Variants in RTN1 observed in about 807,000 individuals in gnomAD.
The protein encoded by RTN1 is reticulon-1.
A neutral mutation model predicts 65.5 loss-of-function variants in RTN1; 25 were observed. That is an observed-to-expected ratio of 0.38 (90% CI 0.28 to 0.53). The LOEUF (loss-of-function observed/expected upper bound fraction) is 0.53. Ranked by LOEUF, RTN1 falls within the 20% of genes least tolerant of loss-of-function variation. The probability of loss-of-function intolerance (pLI) is 0.79; values close to 1 mark genes in which losing one functional copy is unlikely to be tolerated. For missense variants in RTN1, 983 were observed against 1,025.4 expected (o/e 0.96, Z 0.57); for synonymous variants, 471 against 447.6 (o/e 1.05, Z -0.66).
intron 3 of RTN1, among the ~76,000 whole-genome samples, chr14:59,715,189 C>A (rs1425766871): frequency 2.6e-5 from 4 of 152,152 alleles, no homozygotes; most frequent in Non-Finnish European, 5.9e-5. Context: ...AGGTGAATGA[C>A]CTTATGTCTC....
intron 1 of RTN1, among the ~76,000 whole-genome samples, chr14:59,837,021 G>A (rs1185798976): frequency 1.4e-5 from 2 of 146,594 alleles, no homozygotes; most frequent in African/African-American, 2.5e-5. Context: ...GAAGAATAAG[G>A]GGTAAGTATG....
At chr14:59,773,308 T>G (rs1425473820) in intron 1 of RTN1, among the ~76,000 whole-genome samples, 2 of 152,276 alleles carry the variant, frequency 1.3e-5, no homozygotes, top group East Asian at 3.9e-4. Context: ...TTTCTTGTTA[T>G]AGTGAAAATA....
intron 1 of RTN1, among the ~76,000 whole-genome samples, chr14:59,821,443 A>G (rs961475656): frequency 2.6e-5 from 4 of 152,238 alleles, no homozygotes; most frequent in Non-Finnish European, 4.4e-5. Flanking sequence ...TTCTAAGTAT[A>G]GAATCATATA....
intron 3 of RTN1, among the ~76,000 whole-genome samples, chr14:59,615,497 G>C (rs1882077613): frequency 6.6e-6 from 1 of 152,136 alleles, no homozygotes; most frequent in Non-Finnish European, 1.5e-5. Flanking sequence ...TCATACTGAT[G>C]TGGGGCCTGA....
At chr14:59,861,960 T>C (rs1477891556) in intron 1 of RTN1, among the ~76,000 whole-genome samples, 1 of 152,200 alleles carries the variant, frequency 6.6e-6, no homozygotes, top group African/African-American at 2.4e-5. Context: ...TTGGCCTGCC[T>C]AGAACAGAAT....
chr14:59,709,544 T>C (rs942402060), intron 3 of RTN1, among the ~76,000 whole-genome samples: 7 of 152,328 alleles, frequency 4.6e-5, no homozygotes, highest in African/African-American at 9.6e-5. Flanking sequence ...AGCACGTCAA[T>C]GGTGGATAAA....
intron 3 of RTN1, among the ~76,000 whole-genome samples, chr14:59,714,001 C>T (rs1298993005): frequency 3.3e-5 from 5 of 151,944 alleles, no homozygotes; most frequent in African/African-American, 4.8e-5. Context: ...CTTGGGAGGC[C>T]GAGGCAGGCA....
chr14:59,619,883 T>C (rs558138919), intron 3 of RTN1, among the ~76,000 whole-genome samples: 8 of 152,280 alleles, frequency 5.3e-5, no homozygotes, highest in African/African-American at 1.7e-4. Context: ...AGGAAGGTCA[T>C]TCATAACTTT....
At chr14:59,779,289 T>C (rs1400857499) in intron 1 of RTN1, among the ~76,000 whole-genome samples, 1 of 152,152 alleles carries the variant, frequency 6.6e-6, no homozygotes, top group Non-Finnish European at 1.5e-5. Context: ...TATAACTTTC[T>C]GTCATACGAA....
At chr14:59,826,510 A>G (rs1383707834) in intron 1 of RTN1, among the ~76,000 whole-genome samples, 1 of 152,210 alleles carries the variant, frequency 6.6e-6, no homozygotes, top group Non-Finnish European at 1.5e-5. Flanking sequence ...TGTCATTTAC[A>G]GAAGCTCATT....
chr14:59,688,353 A>G (rs1883890761), intron 3 of RTN1, among the ~76,000 whole-genome samples: 1 of 152,204 alleles, frequency 6.6e-6, no homozygotes, highest in African/African-American at 2.4e-5. Flanking sequence ...CCCAGCTCCA[A>G]AACTAGGCAC....
chr14:59,745,650 G>A, intron 2 of RTN1, 58 bp downstream of exon 2: 1 of 1,398,172 alleles, frequency 7.2e-7, no homozygotes, highest in Non-Finnish European at 9.7e-7. Context: ...ATTTGTTTTA[G>A]GGATTGAGAT....
intron 1 of RTN1, among the ~76,000 whole-genome samples, chr14:59,861,406 A>G (rs1030034386): frequency 6.6e-6 from 1 of 152,194 alleles, no homozygotes; most frequent in Non-Finnish European, 1.5e-5. Flanking sequence ...AAGTTGATTA[A>G]ACCTTTTTCT....
At chr14:59,710,792 C>T (rs372662154) in intron 3 of RTN1, among the ~76,000 whole-genome samples, 1,748 of 152,324 alleles carry the variant, frequency 0.011, 14 homozygotes, top group Non-Finnish European at 0.018. Context: ...GTAAGCCCCA[C>T]CACTGACTGT....
At chr14:59,812,426 C>T (rs1201159807) in intron 1 of RTN1, among the ~76,000 whole-genome samples, 1 of 152,024 alleles carries the variant, frequency 6.6e-6, no homozygotes, top group Non-Finnish European at 1.5e-5. Context: ...GGTCTGAAGG[C>T]TTGTGAAAAT....
chr14:59,801,035 G>T (rs1357283404), intron 1 of RTN1, among the ~76,000 whole-genome samples: 1 of 152,054 alleles, frequency 6.6e-6, no homozygotes, highest in African/African-American at 2.4e-5. Context: ...ACTAGAAATT[G>T]TCCAAGCTGA....
chr14:59,827,579 T>G (rs941832013), intron 1 of RTN1, among the ~76,000 whole-genome samples: 10 of 152,186 alleles, frequency 6.6e-5, no homozygotes, highest in Non-Finnish European at 1.3e-4. Context: ...ATAGAGTCCA[T>G]AACTCTGCAT....
intron 3 of RTN1, chr14:59,630,365 T>G: frequency 2.5e-6 from 4 of 1,579,104 alleles, no homozygotes; most frequent in Non-Finnish European, 3.5e-6. Flanking sequence ...GTCCCACAGG[T>G]GAAATGATGC....
intron 3 of RTN1, among the ~76,000 whole-genome samples, chr14:59,694,609 T>C (rs1884025986): frequency 1.3e-5 from 2 of 152,246 alleles, no homozygotes; most frequent in South Asian, 4.1e-4. Context: ...AGAAAAATGC[T>C]ATATGGTGTC....
Sources: allele counts gnomAD v4.1 joint callset (sites outside exome capture counted in the v4.1 genomes callset), GRCh38; gene constraint gnomAD v4.1.1; transcripts MANE v1.5; gene names NCBI Gene and HGNC (gene_info 2026-07-23, HGNC 2026-07-21).